Variants in ATXN7L2 observed in about 807,000 individuals in gnomAD.
ATXN7L2 encodes the protein ataxin-7-like protein 2.
Under a neutral mutation model 59.6 loss-of-function variants are expected in ATXN7L2, and 17 were observed. The ratio of observed to expected loss-of-function variants is 0.29; its 90% CI spans 0.20 to 0.43. The LOEUF (loss-of-function observed/expected upper bound fraction) is 0.43, where lower values mean the gene tolerates loss of function less well. Among genes scored for constraint, ATXN7L2 ranks in the 20% least tolerant of loss-of-function variants. ATXN7L2 has a pLI of 1.00. For synonymous variants in ATXN7L2, 378 were observed against 392.5 expected, an observed-to-expected ratio of 0.96 and a Z score of 0.44; for missense variants, 858 against 1,008.9, an observed-to-expected ratio of 0.85 and a Z score of 2.03.
chr1:109,485,909 C>T, intron 1 of ATXN7L2, 148 bp from the exon 2 acceptor site: 1 of 1,309,846 alleles, frequency 7.6e-7, no homozygotes, highest in Non-Finnish European at 9.8e-7. Context: ...GTGTGGGCTT[C>T]ATACTGTTGA....
chr1:109,483,963 C>T lies in ATXN7L2; in HGVS notation c.10C>T (p.Arg4Cys), dbSNP rs1470066183. MAVRERAAAAMAAL... is the reference protein window; with the variant it reads MAVCERAAAAMAAL... ...CGCGTCCGCGGCGGTGATGGCGGTG[C>T]GTGAACGCGCGGCGGCAGCAATGGC... is the stretch of plus-strand genomic sequence containing the variant. Residue 4 changes from arginine to cysteine, a missense_variant, in exon 1 of 11, where the codon CGT becomes TGT. Transcript: ENST00000683729. 15 of 1,310,206 alleles carry T rather than the reference C, an allele frequency of 1.1e-5. No homozygotes were observed. Among genetic ancestry groups the T allele is most frequent in the South Asian group, 4.8e-5 (2 of 41,314 alleles). The allele number at this position is 1,310,206 out of a possible 1,614,324, so 81.2% of individuals were successfully genotyped here.
At chr1:109,489,224 G>C in intron 7 of ATXN7L2, 124 bp downstream of exon 7, 3 of 1,295,920 alleles carry the variant, frequency 2.3e-6, no homozygotes, top group Non-Finnish European at 3.2e-6. Flanking sequence ...GAGTGTGGGG[G>C]TATTCCTGGG....
chr1:109,491,899 G>C lies in ATXN7L2; in HGVS notation c.2250+182G>C, dbSNP rs1215999473. On this transcript the variant is annotated intron_variant, in intron 10 of 10. Transcript: ENST00000683729. The surrounding 1 kb of genome is among the most constrained non-coding windows in gnomAD (Gnocchi z 4.1). Reference sequence around the variant, plus strand: ...CTTAGCAAAGTGACTCCAGCTTTTTGCCTGGTGAACCTTCCCCTATCCCTA... The same window carrying C: ...CTTAGCAAAGTGACTCCAGCTTTTTCCCTGGTGAACCTTCCCCTATCCCTA... The C allele has an allele frequency of 2.5e-6, 3 of 1,197,316 alleles. No homozygotes were observed. Among genetic ancestry groups the C allele is most frequent in the Non-Finnish European group, 2.2e-6 (2 of 890,398 alleles). 74.2% of individuals were successfully genotyped at this position (1,197,316 alleles called of 1,614,324 possible). A position where few individuals can be genotyped will look rare whatever the true frequency, so the allele number is the denominator to read the frequency against.
intron 5 of ATXN7L2, 108 bp downstream of exon 5, chr1:109,487,912 C>T (rs1054983099): frequency 7.5e-7 from 1 of 1,336,396 alleles, no homozygotes; most frequent in Non-Finnish European, 1.0e-6. Context: ...GCCTGGCCAT[C>T]ACAGGTTGTA....
Position 109,486,487 on chromosome 1 carries a change from T to C in ATXN7L2, c.194-19T>C, listed in dbSNP as rs1176957250. ...CCTGGGATCTTCAGCCCCAGTGACA[T>C]GGGCTTCTGTCATTGCAGACATGTC... is the stretch of plus-strand genomic sequence containing the variant. On this transcript the variant is annotated intron_variant, in intron 2 of 10. Coordinates refer to ENST00000683729, the MANE Select transcript of ATXN7L2 (RefSeq NM_001350175.2). The surrounding 1 kb of genome is among the most constrained non-coding windows in gnomAD (Gnocchi z 4.3). 1.3e-6 allele frequency: 2 copies of C among 1,594,652 alleles called. No homozygotes were observed. The highest frequency in any genetic ancestry group is 3.4e-5 in the Admixed American group (2 of 59,680).
rs1292976602 is a variant in ATXN7L2 at position 109,488,702 on chromosome 1, A to G, written c.880-145A>G. On this transcript the variant is annotated intron_variant, in intron 6 of 10. Coordinates refer to ENST00000683729, the MANE Select transcript of ATXN7L2 (RefSeq NM_001350175.2). This position sits in a 1 kb window ranked among gnomAD's most constrained non-coding sequence, Gnocchi z 5.0. ...AGGAGGGTTTTGGCCCCATGGGGGA[A>G]TGAAACAAAGACACATGAACACAGC... 1 of 1,181,636 alleles carries G rather than the reference A, an allele frequency of 8.5e-7. No homozygotes were observed. Among genetic ancestry groups the G allele is most frequent in the African/African-American group, 1.5e-5 (1 of 65,044 alleles). 73.2% of individuals were successfully genotyped at this position (1,181,636 alleles called of 1,614,324 possible). A position where few individuals can be genotyped will look rare whatever the true frequency, so the allele number is the denominator to read the frequency against.
intron 1 of ATXN7L2, chr1:109,485,258 G>T: frequency 1.0e-6 from 1 of 979,584 alleles, no homozygotes. Context: ...AGAGGAGGGA[G>T]GGGGGAGGAG....
chr1:109,490,810 T>G, intron 9 of ATXN7L2, 112 bp from the exon 10 acceptor site: 1 of 1,242,322 alleles, frequency 8.0e-7, no homozygotes, highest in East Asian at 2.3e-5. Context: ...GCAGCAACTC[T>G]GGGGCTCTGC....
rs182924244 is a variant in ATXN7L2, at chr1:109,492,632, G to A, written c.*32G>A. ...AGTGCCTGCCCACTGCAACGGAGCC[G>A]CCAGCACCTCCTCCCCTCCAGATCC... On this transcript the variant is annotated 3_prime_UTR_variant, in exon 11 of 11. Transcript: ENST00000683729. 5.0e-6 allele frequency: 8 copies of A among 1,612,278 alleles called. No homozygotes were observed. The East Asian group carries it at 8.9e-5, about 18-fold the overall frequency.
chr1:109,489,772 C>T (rs542150883), intron 7 of ATXN7L2, 158 bp from the exon 8 acceptor site: 24 of 732,756 alleles, frequency 3.3e-5, no homozygotes, highest in East Asian at 2.5e-4. Flanking sequence ...TGAGCTGTGT[C>T]GTTCCCTCCT....
chr1:109,487,175 G>C lies in ATXN7L2; in HGVS notation c.467G>C (p.Arg156Pro). 2 of 1,592,888 alleles carry C rather than the reference G, an allele frequency of 1.3e-6. No homozygotes were observed. Among genetic ancestry groups the C allele is most frequent in the Non-Finnish European group, 1.7e-6 (2 of 1,169,422 alleles). The change falls in exon 4 of 11, where the codon CGT becomes CCT. Residue 156 changes from arginine to proline, a missense_variant. Arg to Pro is a moderately radical substitution (Grantham distance 103). This residue lies in a region of ATXN7L2 where 734 missense variants were observed against 862.3 expected (regional missense o/e 0.85). Coordinates refer to ENST00000683729, the MANE Select transcript of ATXN7L2 (RefSeq NM_001350175.2). ...SREKGQGSRS[R>P]GHQPPEKTQK... ...GAGAAGGGCCAGGGGTCCCGGAGCC[G>C]TGGCCACCAGCCTCCTGAGAAGACC...
intron 9 of ATXN7L2, 97 bp from the exon 10 acceptor site, chr1:109,490,825 C>A: frequency 7.3e-7 from 1 of 1,375,636 alleles, no homozygotes; most frequent in Non-Finnish European, 9.9e-7. Context: ...CTCTGCTGAC[C>A]ATTTCTAGGT....
intron 10 of ATXN7L2, 80 bp from the exon 11 acceptor site, chr1:109,492,504 CTG>C (rs1341513114): frequency 1.9e-6 from 3 of 1,571,564 alleles, no homozygotes; most frequent in African/African-American, 2.7e-5. Flanking sequence ...GCTTTAGCCT[CTG>C]TAGTGCACAC....
chr1:109,488,486 C>T lies in ATXN7L2; in HGVS notation c.879+21C>T, dbSNP rs374140650. 73 of 1,592,532 alleles carry T rather than the reference C, an allele frequency of 4.6e-5. No individual in the cohort carries two copies. Among genetic ancestry groups the T allele is most frequent in the South Asian group, 1.9e-4 (17 of 89,110 alleles). ...GCAAGGTAACCCCCTTCCCACTGCA[C>T]GGTGAGGGAGGACAGCACAGGGCTT... is the stretch of plus-strand genomic sequence containing the variant. On this transcript the variant is annotated intron_variant, in intron 6 of 10. Transcript: ENST00000683729. The surrounding 1 kb of genome is among the most constrained non-coding windows in gnomAD (Gnocchi z 5.0).
chr1:109,486,429 G>A lies in ATXN7L2; in HGVS notation c.194-77G>A. On this transcript the variant is annotated intron_variant, in intron 2 of 10. Coordinates refer to ENST00000683729, the MANE Select transcript of ATXN7L2 (RefSeq NM_001350175.2). This position sits in a 1 kb window ranked among gnomAD's most constrained non-coding sequence, Gnocchi z 4.3. ...GGAGGTGAAGTGCCTTCTGAGTGTG[G>A]GGTGGGAGTGCTCTCCGATCTTCCA... 6.4e-6 allele frequency: 8 copies of A among 1,252,876 alleles called. No homozygotes were observed. The highest frequency in any genetic ancestry group is 9.1e-6 in the Non-Finnish European group (8 of 875,998). The allele number at this position is 1,252,876 out of a possible 1,614,324, so 77.6% of individuals were successfully genotyped here. A position where few individuals can be genotyped will look rare whatever the true frequency, so the allele number is the denominator to read the frequency against.
intron 1 of ATXN7L2, among the ~76,000 whole-genome samples, chr1:109,484,794 G>T (rs1381320513): frequency 3.9e-5 from 6 of 152,178 alleles, no homozygotes; most frequent in African/African-American, 1.4e-4. Context: ...GGCCTTTCGG[G>T]GTGACAGCAG....
chr1:109,486,461 C>T lies in ATXN7L2; in HGVS notation c.194-45C>T, dbSNP rs1656589439. The T allele has an allele frequency of 3.1e-5, 47 of 1,530,504 alleles. No individual in the cohort carries two copies. Among genetic ancestry groups the T allele is most frequent in the Non-Finnish European group, 3.7e-5 (41 of 1,109,736 alleles). 94.8% of individuals were successfully genotyped at this position (1,530,504 alleles called of 1,614,324 possible). A position where few individuals can be genotyped will look rare whatever the true frequency, so the allele number is the denominator to read the frequency against. On this transcript the variant is annotated intron_variant, in intron 2 of 10. Transcript: ENST00000683729. The surrounding 1 kb of genome is among the most constrained non-coding windows in gnomAD (Gnocchi z 4.3). ...AGTGCTCTCCGATCTTCCAGAGAAA[C>T]CCTGGGATCTTCAGCCCCAGTGACA...
rs528157970 is a variant in ATXN7L2, at chr1:109,485,329, C to T, written c.128-728C>T. 2.2e-5 allele frequency: 22 copies of T among 985,368 alleles called. No homozygotes were observed. The East Asian group carries it at 2.3e-3, about 102-fold the overall frequency. The allele number at this position is 985,368 out of a possible 1,614,324, so 61.0% of individuals were successfully genotyped here. On this transcript the variant is annotated intron_variant, in intron 1 of 10. Transcript: ENST00000683729. Reference sequence around the variant, plus strand: ...AGCTAAGATGTTTTTGTCATTAACCCAGAAACTGAGGTACAAGGGCAACCC... The same window carrying T: ...AGCTAAGATGTTTTTGTCATTAACCTAGAAACTGAGGTACAAGGGCAACCC...
At position 109,491,762 on chromosome 1, in the gene ATXN7L2, G is replaced by C. The variant is rs1657099447; in HGVS notation, c.2250+45G>C. The C allele has an allele frequency of 6.6e-7, 1 of 1,506,182 alleles. No homozygotes were observed. The highest frequency in any genetic ancestry group is 8.9e-7 in the Non-Finnish European group (1 of 1,123,158). The allele number at this position is 1,506,182 out of a possible 1,614,324, so 93.3% of individuals were successfully genotyped here. On this transcript the variant is annotated intron_variant, in intron 10 of 10. Coordinates refer to ENST00000683729, the MANE Select transcript of ATXN7L2 (RefSeq NM_001350175.2). The surrounding 1 kb of genome is among the most constrained non-coding windows in gnomAD (Gnocchi z 4.1). ...AAGATTGATGAGGGTGGGGCACACA[G>C]GGGGTACCTGATACAGAGAAGATGC...
Sources: allele counts gnomAD v4.1 joint callset (sites outside exome capture counted in the v4.1 genomes callset), GRCh38; gene constraint gnomAD v4.1.1; regional missense constraint gnomAD v4.1.1; non-coding constraint Gnocchi (gnomAD v3.1); transcripts MANE v1.5; gene names NCBI Gene and HGNC (gene_info 2026-07-23, HGNC 2026-07-21).